ACSM1: variants seen among roughly 807,000 people sequenced by gnomAD.
ACSM1 encodes acyl-coenzyme A synthetase ACSM1, mitochondrial.
ACSM1 carries 79 observed loss-of-function variants against 75.8 expected under a neutral mutation model. The ratio of observed to expected loss-of-function variants is 1.04; its 90% CI spans 0.87 to 1.26. The LOEUF (loss-of-function observed/expected upper bound fraction) is 1.26. ACSM1 is among the 50% of genes most tolerant of loss of function. ACSM1 has a pLI of 0.00. For synonymous variants in ACSM1, 279 were observed against 265.8 expected, an observed-to-expected ratio of 1.05 and a Z score of -0.48; for missense variants, 676 against 720.1, an observed-to-expected ratio of 0.94 and a Z score of 0.70.
intron 7 of ACSM1, among the ~76,000 whole-genome samples, chr16:20,654,294 AC>A (rs1250424589): frequency 1.3e-5 from 2 of 152,120 alleles, no homozygotes; most frequent in Admixed American, 6.6e-5. Context: ...AACCATAAAA[AC>A]CCTAGAAGAA....
chr16:20,635,178 T>C (rs527460648), intron 10 of ACSM1, among the ~76,000 whole-genome samples: 1 of 152,180 alleles, frequency 6.6e-6, no homozygotes, highest in African/African-American at 2.4e-5. Flanking sequence ...GGGGGTTACT[T>C]GTGCCCAGGA....
intron 7 of ACSM1, among the ~76,000 whole-genome samples, chr16:20,655,655 A>G (rs1160096748): frequency 6.6e-6 from 1 of 151,994 alleles, no homozygotes; most frequent in Non-Finnish European, 1.5e-5. Context: ...TTGTCTTATT[A>G]TTTTATTTTG....
Position 20,661,782 on chromosome 16 carries a change from C to T in ACSM1, c.992+12G>A. 6.3e-7 allele frequency: 1 copy of T among 1,599,660 alleles called. No homozygotes were observed. The highest frequency in any genetic ancestry group is 8.6e-7 in the Non-Finnish European group (1 of 1,168,514). Reference sequence around the variant, plus strand: ...TACCCAAAGATGTTGTTACAAGCCACTTCTACCATACCTGGTGAAATCCTG... The same window carrying T: ...TACCCAAAGATGTTGTTACAAGCCATTTCTACCATACCTGGTGAAATCCTG... On this transcript the variant is annotated intron_variant, in intron 7 of 13. Transcript: ENST00000520010.
chr16:20,651,300 T>C lies in ACSM1; in HGVS notation c.992+10494A>G, dbSNP rs2018631498. Reference sequence around the variant, plus strand: ...CCAGCATGCCTAATACATGTATATATTTATGTGTGTGTATACAATATTTTC... The same window carrying C: ...CCAGCATGCCTAATACATGTATATACTTATGTGTGTGTATACAATATTTTC... On this transcript the variant is annotated intron_variant, in intron 7 of 13. Transcript: ENST00000520010. Among the ~76,000 whole-genome samples the C allele has an allele frequency of 2.0e-5, 3 of 152,200 alleles. No homozygotes were observed. In the South Asian group the frequency reaches 6.2e-4, roughly 31 times the overall value.
chr16:20,627,110 T>A, intron 11 of ACSM1, 79 bp downstream of exon 11: 1 of 1,447,166 alleles, frequency 6.9e-7, no homozygotes, highest in Non-Finnish European at 9.1e-7. Flanking sequence ...CACCAATGCG[T>A]GAAAAAATGT....
intron 6 of ACSM1, 45 bp from the exon 7 acceptor site, chr16:20,661,918 T>G (rs1393265230): frequency 7.5e-7 from 1 of 1,331,320 alleles, no homozygotes; most frequent in South Asian, 1.2e-5. Flanking sequence ...CAGTTAAGGT[T>G]AAACTAACAG....
At chr16:20,627,350 A>C (rs1243060754) in intron 10 of ACSM1, 34 bp from the exon 11 acceptor site, 1 of 1,546,656 alleles carries the variant, frequency 6.5e-7, no homozygotes, top group Non-Finnish European at 8.7e-7. Context: ...TGTTGAAGGC[A>C]GTGAATTTAG....
intron 6 of ACSM1, among the ~76,000 whole-genome samples, chr16:20,662,980 A>C (rs979638345): frequency 6.6e-6 from 1 of 152,144 alleles, no homozygotes; most frequent in South Asian, 2.1e-4. Flanking sequence ...TGTTGGTAGA[A>C]GAGCTGAGGC....
chr16:20,664,147 G>GTATTTATTTATTTATTTATTTATTTATT (rs71149169), intron 6 of ACSM1, among the ~76,000 whole-genome samples: 26 of 145,520 alleles, frequency 1.8e-4, no homozygotes, highest in African/African-American at 5.3e-4. Context: ...AAATTGAATA[G>GTATTTATTTATTTATTTATTTATTTATT]TATTTATTTA....
intron 10 of ACSM1, among the ~76,000 whole-genome samples, chr16:20,627,554 C>T (rs1034256907): frequency 3.3e-5 from 5 of 152,146 alleles, no homozygotes; most frequent in East Asian, 1.9e-4. Context: ...AATTCTGCCA[C>T]GTGCGGTGGC....
intron 7 of ACSM1, among the ~76,000 whole-genome samples, chr16:20,660,560 G>C (rs1264231238): frequency 6.6e-6 from 1 of 152,154 alleles, no homozygotes; most frequent in East Asian, 1.9e-4. Context: ...TTGGACCAAG[G>C]CCATCATGTG....
At chr16:20,679,687 A>C (rs1322052866) in intron 4 of ACSM1, 1 of 152,210 alleles carries the variant, frequency 6.6e-6, no homozygotes, top group Non-Finnish European at 1.5e-5. Flanking sequence ...TACCATAGTT[A>C]AAACTCTACT....
At chr16:20,696,757 A>C (rs1447306313) in intron 1 of ACSM1, among the ~76,000 whole-genome samples, 2 of 152,238 alleles carry the variant, frequency 1.3e-5, no homozygotes, top group Non-Finnish European at 2.9e-5. Flanking sequence ...TGCCTTGAAC[A>C]GCTCCTGCAA....
chr16:20,695,319 T>C (rs1596479717), intron 1 of ACSM1, among the ~76,000 whole-genome samples: 3 of 152,170 alleles, frequency 2.0e-5, no homozygotes, highest in Non-Finnish European at 2.9e-5. Context: ...CCTGAAGCCA[T>C]GGTGATAAAT....
chr16:20,693,625 T>G (rs1310355215), intron 1 of ACSM1, among the ~76,000 whole-genome samples: 1 of 152,196 alleles, frequency 6.6e-6, no homozygotes, highest in Non-Finnish European at 1.5e-5. Flanking sequence ...TTCAACTTGT[T>G]GTCAAGTGGC....
At chr16:20,656,826 A>G (rs905406788) in intron 7 of ACSM1, among the ~76,000 whole-genome samples, 1 of 151,962 alleles carries the variant, frequency 6.6e-6, no homozygotes, top group Non-Finnish European at 1.5e-5. Flanking sequence ...GTGGGCATGT[A>G]AGATTGTAAG....
At chr16:20,654,896 G>A (rs1271214360) in intron 7 of ACSM1, among the ~76,000 whole-genome samples, 2 of 152,086 alleles carry the variant, frequency 1.3e-5, no homozygotes, top group African/African-American at 2.4e-5. Flanking sequence ...TCCCATTACT[G>A]GGTATATACC....
chr16:20,634,125 G>T (rs1459084988), intron 10 of ACSM1, among the ~76,000 whole-genome samples: 1 of 152,166 alleles, frequency 6.6e-6, no homozygotes, highest in Non-Finnish European at 1.5e-5. Flanking sequence ...ATTCCATGGA[G>T]AAAGGTCAGT....
chr16:20,687,991 A>T (rs62033284), intron 2 of ACSM1, among the ~76,000 whole-genome samples: 23,253 of 151,970 alleles, frequency 0.15, 2,339 homozygotes, highest in East Asian at 0.34. Flanking sequence ...AGGCTGAGGC[A>T]GGAGAATTGC....
Sources: gnomAD v4.1 joint callset for allele counts (sites outside exome capture counted in the v4.1 genomes callset) on GRCh38, gnomAD v4.1.1 for gene constraint, MANE v1.5 for transcripts, NCBI Gene and HGNC (gene_info 2026-07-23, HGNC 2026-07-21) for gene names.